Variants in TBC1D30 observed in about 807,000 individuals in gnomAD.
TBC1D30 encodes the protein TBC1 domain family member 30.
TBC1D30 carries 31 observed loss-of-function variants against 63.2 expected under a neutral mutation model. The ratio of observed to expected loss-of-function variants is 0.49; its 90% CI spans 0.37 to 0.66. TBC1D30 has a LOEUF of 0.66. TBC1D30 is among the 30% of genes least tolerant of loss of function. The pLI, the probability that TBC1D30 is intolerant of heterozygous loss-of-function variation, is 0.00. For synonymous variants in TBC1D30, 307 were observed against 361.5 expected (o/e 0.85, Z 1.71); for missense variants, 810 against 953.6 (o/e 0.85, Z 1.98).
At chr12:64,809,308 C>T (rs1207964300) in intron 2 of TBC1D30, among the ~76,000 whole-genome samples, 4 of 151,368 alleles carry the variant, frequency 2.6e-5, no homozygotes, top group African/African-American at 9.7e-5. Context: ...GCCTTTGTGT[C>T]CTCATAGCTT....
At chr12:64,827,355 G>C (rs899582646) in intron 1 of TBC1D30, among the ~76,000 whole-genome samples, 2 of 152,148 alleles carry the variant, frequency 1.3e-5, no homozygotes, top group South Asian at 4.1e-4. Flanking sequence ...AGGCTGAGGT[G>C]GGAGGATTGC....
intron 8 of TBC1D30, among the ~76,000 whole-genome samples, chr12:64,855,620 C>T (rs1877234498): frequency 6.6e-6 from 1 of 152,192 alleles, no homozygotes; most frequent in East Asian, 1.9e-4. Flanking sequence ...GACTCTGATG[C>T]ATTGTTCAGC....
chr12:64,849,188 T>C (rs1876652863), intron 8 of TBC1D30, among the ~76,000 whole-genome samples: 2 of 152,218 alleles, frequency 1.3e-5, no homozygotes, highest in Admixed American at 6.5e-5. Context: ...CTTTGTCAAA[T>C]GGATAGATTA....
chr12:64,770,802 C>T (rs374138802), intron 1 of TBC1D30, among the ~76,000 whole-genome samples: 1 of 151,636 alleles, frequency 6.6e-6, no homozygotes, highest in Non-Finnish European at 1.5e-5. Flanking sequence ...CTCCCGGGCT[C>T]AAGCGACTCC....
rs988555830 is a variant in TBC1D30, at chr12:64,830,354, C to G, written c.283-23C>G. On this transcript the variant is annotated intron_variant, in intron 3 of 11. Transcript: ENST00000539867. The stretch of plus-strand genomic sequence containing the variant: ...GTTATATATTCTACTTTGGCATTCT[C>G]CTTTGTCTATGTAATATTTTAGGTT... The G allele has an allele frequency of 2.7e-6, 4 of 1,504,070 alleles. No homozygotes were observed. In the African/African-American group the frequency reaches 5.5e-5, roughly 21 times the overall value. 93.2% of individuals were successfully genotyped at this position (1,504,070 alleles called of 1,614,324 possible).
chr12:64,877,104 TAC>T lies in TBC1D30; in HGVS notation c.*1318_*1319del, dbSNP rs1478329227. 38 of 324,456 alleles carry T rather than the reference TAC, an allele frequency of 1.2e-4. No individual in the cohort carries two copies. The highest frequency in any genetic ancestry group is 9.5e-4 in the South Asian group (37 of 38,758). The allele number at this position is 324,456 out of a possible 1,614,324, so 20.1% of individuals were successfully genotyped here. On this transcript the variant is annotated 3_prime_UTR_variant, in exon 12 of 12. Transcript: ENST00000539867. ...ACTCAAAGGACCTGTCTCCAGATGG[TAC>T]AGAGTCCCTTGATGGCATTTTACAA...
chr12:64,830,023 G>A (rs1044326463), intron 3 of TBC1D30, among the ~76,000 whole-genome samples: 2 of 152,174 alleles, frequency 1.3e-5, no homozygotes, highest in African/African-American at 4.8e-5. Flanking sequence ...GAGCAATACA[G>A]AGCCAAGTAA....
upstream of TBC1D30, among the ~76,000 whole-genome samples, chr12:64,824,239 C>T (rs554191042): frequency 6.6e-6 from 1 of 152,162 alleles, no homozygotes; most frequent in East Asian, 1.9e-4. Context: ...TCATTTTCTC[C>T]GCGCCTCTCT....
Position 64,864,668 on chromosome 12 carries a change from A to G in TBC1D30, c.1039A>G (p.Thr347Ala). ...TGGCATTTTTGCTTTTGTTTTACAG[A>G]CTGTTTATTCCATGGCTCCGTTCCC... ...DLLQSHELMQ[T>A]VYSMAPFPFP... Residue 347 changes from threonine to alanine, a missense_variant and splice_region_variant, in exon 9 of 12, where the codon ACT (threonine) becomes GCT (alanine). By Grantham distance (58) the Thr-to-Ala change is moderately conservative. Transcript: ENST00000539867. 6.5e-7 allele frequency: 1 copy of G among 1,535,364 alleles called. No homozygotes were observed. Among genetic ancestry groups the G allele is most frequent in the Middle Eastern group, 1.7e-4 (1 of 5,988 alleles).
At chr12:64,786,191 A>G (rs1476898154) in intron 2 of TBC1D30, 1 of 414,150 alleles carries the variant, frequency 2.4e-6, no homozygotes, top group Non-Finnish European at 4.0e-6. Context: ...AACAACTCAG[A>G]CAGTTTCCTA....
intron 1 of TBC1D30, among the ~76,000 whole-genome samples, chr12:64,784,524 C>G (rs1323776039): frequency 6.6e-6 from 1 of 151,142 alleles, no homozygotes; most frequent in Non-Finnish European, 1.5e-5. Context: ...CAGAGAACCT[C>G]TAATGGGGGG....
intron 2 of TBC1D30, among the ~76,000 whole-genome samples, chr12:64,788,639 G>A (rs940079525): frequency 3.3e-5 from 5 of 152,128 alleles, no homozygotes; most frequent in Middle Eastern, 6.8e-3. Flanking sequence ...GCCCACAAGC[G>A]CTCACCGTAA....
In TBC1D30 at chr12:64,805,689, C is replaced by T. The variant is rs144657357; in HGVS notation, c.643+19644C>T. On this transcript the variant is annotated intron_variant, in intron 2 of 12. Transcript: ENST00000542120. Reference sequence around the variant, plus strand: ...CTCTACTAAAAATACAAAAATTAGTCGGGCGTGGTGGCGGGCACCTGTAGT... The same window carrying T: ...CTCTACTAAAAATACAAAAATTAGTTGGGCGTGGTGGCGGGCACCTGTAGT... 8.5e-3 allele frequency among the ~76,000 whole-genome samples: 1,291 copies of T among 151,882 alleles called. 18 individuals carry two copies. The highest frequency in any genetic ancestry group is 0.026 in the African/African-American group (1,078 of 41,392).
chr12:64,868,939 A>C, intron 10 of TBC1D30, among the ~76,000 whole-genome samples: 1 of 152,156 alleles, frequency 6.6e-6, no homozygotes. Context: ...TGTTCCCCTT[A>C]AAATGTTGTG....
chr12:64,777,277 G>A (rs1871109197), upstream of TBC1D30, among the ~76,000 whole-genome samples: 1 of 152,126 alleles, frequency 6.6e-6, no homozygotes, highest in Non-Finnish European at 1.5e-5. Flanking sequence ...GCAAGAGAAA[G>A]AAATAAAGGG....
intron 8 of TBC1D30, among the ~76,000 whole-genome samples, chr12:64,854,274 G>A (rs893884239): frequency 1.3e-5 from 2 of 151,818 alleles, no homozygotes; most frequent in Non-Finnish European, 2.9e-5. Context: ...AGGTTACCAC[G>A]ACACTGGCAC....
chr12:64,807,993 G>C lies in TBC1D30; in HGVS notation c.644-19842G>C, dbSNP rs1008661172. Among the ~76,000 whole-genome samples, 10 of 139,356 alleles carry C rather than the reference G, an allele frequency of 7.2e-5. No individual in the cohort carries two copies. In the Admixed American group the frequency reaches 7.7e-4, roughly 11 times the overall value. The allele number at this position is 139,356 out of a possible 152,430, so 91.4% of individuals were successfully genotyped here. On this transcript the variant is annotated intron_variant, in intron 2 of 12. Transcript: ENST00000542120. ...TAGTCTTAAACTGCTGGCCTCAAGT[G>C]ATCCCCTCACCTCAGTCCTGGAAAG...
intron 5 of TBC1D30, 88 bp downstream of exon 5, chr12:64,832,392 CT>C: frequency 7.5e-7 from 1 of 1,337,950 alleles, no homozygotes; most frequent in Non-Finnish European, 1.0e-6. Context: ...ATGTCTCATC[CT>C]TTTCCAAGGT....
intron 2 of TBC1D30, among the ~76,000 whole-genome samples, chr12:64,808,214 C>T (rs995028025): frequency 3.9e-5 from 6 of 152,104 alleles, no homozygotes; most frequent in African/African-American, 9.7e-5. Flanking sequence ...CTATTTCCTC[C>T]GCCTGGTACT....
Sources: gnomAD v4.1 joint callset for allele counts (sites outside exome capture counted in the v4.1 genomes callset) on GRCh38, gnomAD v4.1.1 for gene constraint, MANE v1.5 for transcripts, NCBI Gene and HGNC (gene_info 2026-07-23, HGNC 2026-07-21) for gene names.